NRG4: variants seen among roughly 807,000 people sequenced by gnomAD.
The protein encoded by NRG4 is neuregulin 4.
Under a neutral mutation model 15.0 loss-of-function variants are expected in NRG4, and 10 were observed. That is an observed-to-expected ratio of 0.67 (90% CI 0.41 to 1.13). The LOEUF is 1.13. Among genes scored for constraint, NRG4 ranks in the 50% most tolerant of loss-of-function variants. The probability of loss-of-function intolerance (pLI) is 0.00; values close to 1 mark genes in which losing one functional copy is unlikely to be tolerated. For missense variants in NRG4, 139 were observed against 140.2 expected, an observed-to-expected ratio of 0.99 and a Z score of 0.04; for synonymous variants, 41 against 50.1, an observed-to-expected ratio of 0.82 and a Z score of 0.77.
At chr15:75,991,526 A>T (rs780663845) in intron 3 of NRG4, among the ~76,000 whole-genome samples, 21 of 152,092 alleles carry the variant, frequency 1.4e-4, no homozygotes, top group Non-Finnish European at 2.9e-4. Context: ...TAACGTGTAC[A>T]TTTAATGGAA....
chr15:76,035,038 G>A (rs971437657), intron 5 of NRG4, among the ~76,000 whole-genome samples: 3 of 152,218 alleles, frequency 2.0e-5, no homozygotes, highest in African/African-American at 7.2e-5. Flanking sequence ...TTAATCAAAT[G>A]CCTTGCGGTC....
At chr15:76,005,439 C>T (rs1257707239) in intron 3 of NRG4, among the ~76,000 whole-genome samples, 5 of 154 alleles carry the variant, frequency 0.032, no homozygotes, top group African/African-American at 0.12. Context: ...AATCTCAGCA[C>T]TTTGGGAAGC....
chr15:75,999,896 C>T (rs2034345370), intron 3 of NRG4, among the ~76,000 whole-genome samples: 2 of 152,076 alleles, frequency 1.3e-5, no homozygotes, highest in Admixed American at 1.3e-4. Context: ...CACACTGGCA[C>T]ACATCTGTAG....
chr15:75,998,424 G>A (rs1006897721), intron 3 of NRG4, among the ~76,000 whole-genome samples: 1 of 152,148 alleles, frequency 6.6e-6, no homozygotes, highest in African/African-American at 2.4e-5. Context: ...TAGCCATGAG[G>A]ATATTGGGGG....
intron 3 of NRG4, among the ~76,000 whole-genome samples, chr15:75,992,779 C>T (rs1436862323): frequency 1.3e-5 from 2 of 152,050 alleles, no homozygotes. Flanking sequence ...GGTTATTTTG[C>T]AAATGGCTTC....
At chr15:75,955,884 A>C (rs2141799188) in intron 5 of NRG4, 48 bp downstream of exon 5, 1 of 1,037,596 alleles carries the variant, frequency 9.6e-7, no homozygotes, top group African/African-American at 1.6e-5. Context: ...TAACAACAAC[A>C]GTCTCATCTA....
At chr15:75,965,973 T>A (rs1253544177) in intron 3 of NRG4, among the ~76,000 whole-genome samples, 3 of 152,194 alleles carry the variant, frequency 2.0e-5, no homozygotes, top group Non-Finnish European at 2.9e-5. Context: ...CCTAATGAGG[T>A]GAATACCAAG....
intron 5 of NRG4, among the ~76,000 whole-genome samples, chr15:75,949,173 C>T (rs2031727501): frequency 6.6e-6 from 1 of 152,076 alleles, no homozygotes; most frequent in African/African-American, 2.4e-5. Context: ...CCATTCCGAG[C>T]GGCCAAGGCA....
rs941885263 is a variant in NRG4, at chr15:75,943,470, A to G, written c.*168T>C. On this transcript the variant is annotated 3_prime_UTR_variant, in exon 6 of 6. Coordinates refer to ENST00000394907, the MANE Select transcript of NRG4 (RefSeq NM_138573.4). ...TTGCCGATGGACTGATGCACATTAC[A>G]GAAGCACACACACCTTGCAGCAGAA... The G allele has an allele frequency of 1.7e-6, 1 of 594,860 alleles. No homozygotes were observed. 36.8% of individuals were successfully genotyped at this position (594,860 alleles called of 1,614,324 possible). A position where few individuals can be genotyped will look rare whatever the true frequency, so the allele number is the denominator to read the frequency against.
chr15:75,980,963 G>T (rs2033584808), intron 3 of NRG4, among the ~76,000 whole-genome samples: 1 of 152,106 alleles, frequency 6.6e-6, no homozygotes, highest in South Asian at 2.1e-4. Flanking sequence ...AAAAGAGAAT[G>T]AAACCAAAAT....
intron 5 of NRG4, among the ~76,000 whole-genome samples, chr15:75,944,316 G>GCA (rs202100189): frequency 1.4e-3 from 8 of 5,584 alleles, no homozygotes; most frequent in East Asian, 0.042. Flanking sequence ...ATAGTACCTG[G>GCA]CACACAGGCA....
chr15:76,057,298 T>C (rs2036177223), intron 1 of NRG4: 1 of 152,194 alleles, frequency 6.6e-6, no homozygotes, highest in African/African-American at 2.4e-5. Flanking sequence ...GAATCCGATT[T>C]TTTTTTCTAA....
intron 3 of NRG4, chr15:75,971,390 C>T (rs1442074451): frequency 6.4e-6 from 2 of 310,436 alleles, no homozygotes; most frequent in Middle Eastern, 1.1e-3. Context: ...TTTCTTTAAG[C>T]TCAAATCAAT....
rs549792987 is a variant in NRG4 at position 76,045,306 on chromosome 15, T to C, written c.-105+6761A>G. On this transcript the variant is annotated intron_variant, in intron 4 of 8. Transcript: ENST00000563910. The stretch of plus-strand genomic sequence containing the variant: ...AGACATTAATAAATGCTGGAGGAGA[T>C]ATGGAGAAAGGGAAACACTCACATA... 3.6e-4 allele frequency among the ~76,000 whole-genome samples: 55 copies of C among 151,086 alleles called. 1 individual carries two copies. Among genetic ancestry groups the C allele is most frequent in the Middle Eastern group, 6.8e-3 (2 of 294 alleles).
chr15:75,990,925 C>T (rs1337507070), intron 3 of NRG4, among the ~76,000 whole-genome samples: 2 of 152,050 alleles, frequency 1.3e-5, no homozygotes, highest in African/African-American at 4.8e-5. Flanking sequence ...TTCCTCCCAC[C>T]TCAGCTTCCC....
intron 3 of NRG4, among the ~76,000 whole-genome samples, chr15:75,998,082 A>G (rs753918668): frequency 1.5e-4 from 23 of 152,208 alleles, no homozygotes; most frequent in Non-Finnish European, 2.6e-4. Flanking sequence ...GTGAAACCCG[A>G]GAGAATTAAC....
chr15:75,993,865 T>C (rs1015226605), intron 3 of NRG4, among the ~76,000 whole-genome samples: 2 of 152,218 alleles, frequency 1.3e-5, no homozygotes, highest in Admixed American at 6.5e-5. Flanking sequence ...CCATATTTCT[T>C]ATTTCTCTGC....
intron 5 of NRG4, among the ~76,000 whole-genome samples, chr15:75,953,455 C>A (rs1011299453): frequency 6.6e-6 from 1 of 152,210 alleles, no homozygotes; most frequent in African/African-American, 2.4e-5. Flanking sequence ...AAGTGTGAGT[C>A]TCCTAACTTT....
intron 3 of NRG4, 35 bp from the exon 4 acceptor site, chr15:75,962,009 C>G: frequency 1.3e-6 from 2 of 1,517,946 alleles, no homozygotes; most frequent in Non-Finnish European, 1.8e-6. Context: ...GAATTGCATT[C>G]TGTGTTTCAT....
Sources: allele counts gnomAD v4.1 joint callset (sites outside exome capture counted in the v4.1 genomes callset), GRCh38; gene constraint gnomAD v4.1.1; transcripts MANE v1.5; gene names NCBI Gene and HGNC (gene_info 2026-07-23, HGNC 2026-07-21).